Variants in CPQ observed in about 807,000 individuals in gnomAD.
The protein encoded by CPQ is Ser-Met dipeptidase.
CPQ carries 37 observed loss-of-function variants against 45.7 expected under a neutral mutation model. That is an observed-to-expected ratio of 0.81 (90% CI 0.62 to 1.07). The LOEUF is 1.07. Among genes scored for constraint, CPQ ranks in the 50% least tolerant of loss-of-function variants. CPQ has a pLI of 0.00. For synonymous variants in CPQ, 186 were observed against 205.8 expected (o/e 0.90, Z 0.82); for missense variants, 537 against 572.9 (o/e 0.94, Z 0.64).
intron 4 of CPQ, among the ~76,000 whole-genome samples, chr8:96,883,140 G>A (rs1035170622): frequency 6.6e-6 from 1 of 152,076 alleles, no homozygotes; most frequent in Non-Finnish European, 1.5e-5. Context: ...ATATTTCATT[G>A]TACAGATATA....
intron 1 of CPQ, among the ~76,000 whole-genome samples, chr8:96,667,346 T>C (rs1808938451): frequency 6.6e-6 from 1 of 151,138 alleles, no homozygotes; most frequent in South Asian, 2.1e-4. Flanking sequence ...CAGGCTTATC[T>C]TTTTCTTTTT....
chr8:96,703,236 T>G (rs551521522), intron 1 of CPQ, among the ~76,000 whole-genome samples: 15 of 152,294 alleles, frequency 9.8e-5, no homozygotes, highest in Admixed American at 9.8e-4. Flanking sequence ...TGCCATATTT[T>G]TTTTGGCAAA....
At chr8:96,696,151 T>A (rs1809377993) in intron 1 of CPQ, among the ~76,000 whole-genome samples, 1 of 151,898 alleles carries the variant, frequency 6.6e-6, no homozygotes, top group Non-Finnish European at 1.5e-5. Context: ...GGGACATGGA[T>A]GAAATTGGAA....
At chr8:96,864,624 C>G (rs1168786908) in intron 3 of CPQ, among the ~76,000 whole-genome samples, 8 of 148,352 alleles carry the variant, frequency 5.4e-5, no homozygotes, top group Admixed American at 4.0e-4. Flanking sequence ...GGTCACAAAC[C>G]AGGATAAGAA....
intron 5 of CPQ, among the ~76,000 whole-genome samples, chr8:96,984,327 T>TG (rs575239595): frequency 2.4e-3 from 370 of 152,264 alleles, no homozygotes; most frequent in Middle Eastern, 0.01. Flanking sequence ...TTTCCTATGT[T>TG]GGAAATGTTG....
At chr8:96,986,006 A>G (rs967461188) in intron 5 of CPQ, among the ~76,000 whole-genome samples, 1 of 152,220 alleles carries the variant, frequency 6.6e-6, no homozygotes, top group African/African-American at 2.4e-5. Flanking sequence ...GTTTGTAAAC[A>G]CTGGCATAAC....
At chr8:96,833,224 A>G (rs1463754591) in intron 2 of CPQ, among the ~76,000 whole-genome samples, 1 of 152,138 alleles carries the variant, frequency 6.6e-6, no homozygotes, top group African/African-American at 2.4e-5. Context: ...AGCTGCTACT[A>G]GTGATTTGCA....
chr8:96,868,023 T>C (rs541189776), intron 3 of CPQ, among the ~76,000 whole-genome samples: 12 of 152,170 alleles, frequency 7.9e-5, no homozygotes, highest in African/African-American at 2.9e-4. Context: ...TGTGACTTTT[T>C]CTAACCAATG....
intron 1 of CPQ, among the ~76,000 whole-genome samples, chr8:96,711,138 A>T (rs527426147): frequency 6.6e-6 from 1 of 152,204 alleles, no homozygotes; most frequent in South Asian, 2.1e-4. Flanking sequence ...ACATCAGAAT[A>T]GCTACTCCTG....
At chr8:96,983,817 T>C (rs1329524988) in intron 5 of CPQ, among the ~76,000 whole-genome samples, 1 of 151,550 alleles carries the variant, frequency 6.6e-6, no homozygotes, top group Non-Finnish European at 1.5e-5. Flanking sequence ...GAACCAATTC[T>C]TTTTTGGTTA....
chr8:96,860,816 A>G (rs987440121), intron 3 of CPQ, among the ~76,000 whole-genome samples: 8 of 152,142 alleles, frequency 5.3e-5, no homozygotes, highest in African/African-American at 1.9e-4. Context: ...TTCCTTTTCA[A>G]TGGCTTACCT....
chr8:96,649,053 T>C (rs1361855567), intron 1 of CPQ, among the ~76,000 whole-genome samples: 1 of 152,254 alleles, frequency 6.6e-6, no homozygotes, highest in Non-Finnish European at 1.5e-5. Flanking sequence ...AAGATCTCAC[T>C]GCGACTTCCG....
At chr8:96,970,118 G>A (rs1330930041) in intron 5 of CPQ, among the ~76,000 whole-genome samples, 1 of 152,202 alleles carries the variant, frequency 6.6e-6, no homozygotes, top group East Asian at 1.9e-4. Context: ...TAAGGCTCTG[G>A]TCAAGACTGT....
At chr8:96,734,727 AAAATAAAAT>A (rs1271524496) in intron 1 of CPQ, among the ~76,000 whole-genome samples, 7 of 149,692 alleles carry the variant, frequency 4.7e-5, no homozygotes, top group African/African-American at 1.8e-4. Context: ...AAAATAAAAT[AAAATAAAAT>A]AAATAAAATA....
At chr8:96,982,937 A>T (rs1047441678) in intron 5 of CPQ, among the ~76,000 whole-genome samples, 1 of 152,226 alleles carries the variant, frequency 6.6e-6, no homozygotes, top group African/African-American at 2.4e-5. Flanking sequence ...TATTTCAAAT[A>T]TTGAAAAATA....
At chr8:96,929,041 A>T (rs766782330) in intron 4 of CPQ, among the ~76,000 whole-genome samples, 1 of 152,178 alleles carries the variant, frequency 6.6e-6, no homozygotes, top group Non-Finnish European at 1.5e-5. Context: ...GCCAACGTCT[A>T]TTTTGCACAT....
rs1812735223 is a variant in CPQ, at chr8:96,916,539, CAG to C, written c.849+36537_849+36538del. On this transcript the variant is annotated intron_variant, in intron 4 of 7. Transcript: ENST00000220763. ...TTTACTGAATTTTTGTAAAATAGTA[CAG>C]AGTTTCCATATAGCCCACACCCAGT... is the stretch of plus-strand genomic sequence containing the variant. Among the ~76,000 whole-genome samples, 3 of 151,992 alleles carry C rather than the reference CAG, an allele frequency of 2.0e-5. No individual in the cohort carries two copies. The South Asian group carries it at 6.2e-4, about 31-fold the overall frequency.
chr8:97,047,566 C>T (rs778815398), intron 6 of CPQ, among the ~76,000 whole-genome samples: 5 of 152,158 alleles, frequency 3.3e-5, no homozygotes, highest in African/African-American at 4.8e-5. Context: ...TTTATATTCA[C>T]ACTTTCTTGG....
At chr8:96,927,227 C>T (rs1281905887) in intron 4 of CPQ, among the ~76,000 whole-genome samples, 1 of 152,140 alleles carries the variant, frequency 6.6e-6, no homozygotes, top group Non-Finnish European at 1.5e-5. Flanking sequence ...GATGAGGTAG[C>T]CCTGAGGAAG....
Sources: gnomAD v4.1 joint callset for allele counts (sites outside exome capture counted in the v4.1 genomes callset) on GRCh38, gnomAD v4.1.1 for gene constraint, MANE v1.5 for transcripts, NCBI Gene and HGNC (gene_info 2026-07-23, HGNC 2026-07-21) for gene names.